The following KIF16B variants were observed in gnomAD, a reference collection of about 807,000 sequenced individuals.
The protein encoded by KIF16B is kinesin-like protein KIF16B.
In KIF16B, 98 loss-of-function variants were observed where a neutral mutation model predicts 156.3. The ratio of observed to expected loss-of-function variants is 0.63; its 90% CI spans 0.53 to 0.74. KIF16B has a LOEUF of 0.74. Ranked by LOEUF, KIF16B falls within the 30% of genes least tolerant of loss-of-function variation. The pLI, the probability that KIF16B is intolerant of heterozygous loss-of-function variation, is 0.00. For missense variants in KIF16B, 1,421 were observed against 1,606.5 expected (o/e 0.88, Z 1.97); for synonymous variants, 564 against 583.7 (o/e 0.97, Z 0.49).
At chr20:16,563,719 T>C (rs1171931608) in intron 1 of KIF16B, among the ~76,000 whole-genome samples, 2 of 152,204 alleles carry the variant, frequency 1.3e-5, no homozygotes, top group African/African-American at 4.8e-5. Flanking sequence ...ACAGTTTCCA[T>C]GTTTAAAATA....
chr20:16,366,894 T>G (rs1043331056), intron 22 of KIF16B: 2 of 1,198,540 alleles, frequency 1.7e-6, no homozygotes, highest in Non-Finnish European at 2.1e-6. Context: ...AGGCACAAAT[T>G]TACAAGCCTG....
chr20:16,500,594 G>A (rs549743524), intron 10 of KIF16B, among the ~76,000 whole-genome samples: 4 of 152,074 alleles, frequency 2.6e-5, no homozygotes, highest in South Asian at 2.1e-4. Flanking sequence ...TTTCAATTAC[G>A]AAAGTTGATA....
chr20:16,528,053 T>C (rs1600632369), intron 2 of KIF16B, among the ~76,000 whole-genome samples: 4 of 152,230 alleles, frequency 2.6e-5, no homozygotes, highest in Admixed American at 2.6e-4. Context: ...CAGAACACAG[T>C]CAATTGCCAG....
chr20:16,432,256 TAA>T (rs2066522631), intron 12 of KIF16B, among the ~76,000 whole-genome samples: 1 of 152,100 alleles, frequency 6.6e-6, no homozygotes, highest in African/African-American at 2.4e-5. Flanking sequence ...AGGTTCAGAC[TAA>T]ATCATGTACA....
chr20:16,329,360 GAGAA>G (rs2063910497), intron 24 of KIF16B, among the ~76,000 whole-genome samples: 1 of 152,148 alleles, frequency 6.6e-6, no homozygotes, highest in Non-Finnish European at 1.5e-5. Context: ...GAAACAAAAA[GAGAA>G]CACTTCATGG....
At chr20:16,404,995 G>T in intron 16 of KIF16B, 94 bp from the exon 17 acceptor site, 2 of 818,818 alleles carry the variant, frequency 2.4e-6, no homozygotes, top group Non-Finnish European at 4.1e-6. Context: ...GAGACAATGA[G>T]GTGCACATGC....
chr20:16,367,705 T>C lies in KIF16B; in HGVS notation c.3498+2881A>G. On this transcript the variant is annotated intron_variant, in intron 22 of 25. Transcript: ENST00000354981. ...CTGAACTCCATTTGGCAAAACTAAA[T>C]CAGGGATTTCTGTTTTCCAATCAAG... 4 of 1,612,472 alleles carry C rather than the reference T, an allele frequency of 2.5e-6. No homozygotes were observed. In the African/African-American group the frequency reaches 4.0e-5, roughly 16 times the overall value.
At chr20:16,513,467 T>C (rs1568626320) in intron 4 of KIF16B, among the ~76,000 whole-genome samples, 1 of 152,104 alleles carries the variant, frequency 6.6e-6, no homozygotes, top group Non-Finnish European at 1.5e-5. Flanking sequence ...GAGACCAGCC[T>C]GGCCAACATG....
intron 17 of KIF16B, among the ~76,000 whole-genome samples, chr20:16,399,684 G>A (rs988968808): frequency 3.3e-5 from 5 of 152,138 alleles, no homozygotes; most frequent in Admixed American, 3.3e-4. Flanking sequence ...AAGGCCCAGG[G>A]CCTAGTTTTT....
chr20:16,497,489 G>A (rs538405467), intron 11 of KIF16B, 124 bp downstream of exon 11: 59 of 713,204 alleles, frequency 8.3e-5, no homozygotes, highest in African/African-American at 4.4e-4. Context: ...GATCACCAAC[G>A]AGGGAGGAGG....
intron 25 of KIF16B, among the ~76,000 whole-genome samples, chr20:16,280,539 G>A (rs1601478336): frequency 1.3e-5 from 2 of 152,186 alleles, no homozygotes; most frequent in African/African-American, 2.4e-5. Context: ...TCCGGTTCAT[G>A]AGCTTATGTG....
intron 25 of KIF16B, among the ~76,000 whole-genome samples, chr20:16,287,111 T>C (rs73251227): frequency 0.027 from 4,101 of 152,296 alleles, 179 homozygotes; most frequent in African/African-American, 0.093. Context: ...GGCAGTTCAT[T>C]ATACAATGAT....
At chr20:16,513,055 C>T (rs1568625799) in intron 4 of KIF16B, 132 bp from the exon 5 acceptor site, 1 of 629,692 alleles carries the variant, frequency 1.6e-6, no homozygotes, top group Admixed American at 2.5e-5. Context: ...ACAGCCCACG[C>T]CATATACCCC....
At position 16,338,267 on chromosome 20, in the gene KIF16B, G is replaced by A. The variant is rs538351307; in HGVS notation, c.3622-2252C>T. Among the ~76,000 whole-genome samples the A allele has an allele frequency of 2.6e-5, 4 of 152,198 alleles. No individual in the cohort carries two copies. In the East Asian group the frequency reaches 5.8e-4, roughly 22 times the overall value. ...ATCCTACCGTGCTGGGATGGCGGTC[G>A]ATACTCTTGTTCTTCACTCCAACTT... is the stretch of plus-strand genomic sequence containing the variant. On this transcript the variant is annotated intron_variant, in intron 23 of 25. Coordinates refer to ENST00000354981, the MANE Select transcript of KIF16B (RefSeq NM_024704.5).
chr20:16,284,285 T>A (rs1331070219), intron 25 of KIF16B, among the ~76,000 whole-genome samples: 2 of 152,188 alleles, frequency 1.3e-5, no homozygotes, highest in African/African-American at 4.8e-5. Context: ...ACCTGGCAAC[T>A]ACTGATACTT....
chr20:16,396,378 T>C (rs993639550), intron 17 of KIF16B, among the ~76,000 whole-genome samples: 4 of 152,034 alleles, frequency 2.6e-5, no homozygotes, highest in African/African-American at 9.7e-5. Flanking sequence ...AGGTATGGAA[T>C]AGTCATACAA....
At chr20:16,355,329 G>A (rs1192316173) in intron 23 of KIF16B, among the ~76,000 whole-genome samples, 1 of 152,144 alleles carries the variant, frequency 6.6e-6, no homozygotes, top group African/African-American at 2.4e-5. Flanking sequence ...GAACAAAGGA[G>A]TTTCACAGAT....
At chr20:16,509,024 C>T (rs1297052106) in intron 6 of KIF16B, among the ~76,000 whole-genome samples, 2 of 152,130 alleles carry the variant, frequency 1.3e-5, no homozygotes, top group Admixed American at 1.3e-4. Flanking sequence ...CTAGAAATAA[C>T]CTATACATAC....
At chr20:16,385,025 C>T (rs111387410) in intron 17 of KIF16B, among the ~76,000 whole-genome samples, 2,257 of 151,968 alleles carry the variant, frequency 0.015, 28 homozygotes, top group South Asian at 0.042. Context: ...GGTGAAACCC[C>T]GTCTCTACTA....
Sources: gnomAD v4.1 joint callset for allele counts (sites outside exome capture counted in the v4.1 genomes callset) on GRCh38, gnomAD v4.1.1 for gene constraint, MANE v1.5 for transcripts, NCBI Gene and HGNC (gene_info 2026-07-23, HGNC 2026-07-21) for gene names.